The following AGTPBP1 variants were observed in gnomAD, a reference collection of about 807,000 sequenced individuals.
AGTPBP1 encodes the protein ATP/GTP binding carboxypeptidase 1.
Under a neutral mutation model 143.9 loss-of-function variants are expected in AGTPBP1, and 70 were observed. The ratio of observed to expected loss-of-function variants is 0.49; its 90% CI spans 0.40 to 0.59. The LOEUF (loss-of-function observed/expected upper bound fraction) is 0.59. Ranked by LOEUF, AGTPBP1 falls within the 20% of genes least tolerant of loss-of-function variation. AGTPBP1 has a pLI of 0.00. For synonymous variants in AGTPBP1, 463 were observed against 500.2 expected (o/e 0.93, Z 0.99); for missense variants, 1,229 against 1,464.5 (o/e 0.84, Z 2.62).
intron 1 of AGTPBP1, among the ~76,000 whole-genome samples, chr9:85,717,680 T>TC (rs912070800): frequency 5.3e-5 from 8 of 151,906 alleles, no homozygotes; most frequent in African/African-American, 1.9e-4. Context: ...AGTATCCTTT[T>TC]TTTTTTTTTT....
the AGTPBP1 span, among the ~76,000 whole-genome samples, chr9:85,749,885 CT>C: frequency 0.75 from 107,346 of 143,056 alleles, 40,928 homozygotes; most frequent in African/African-American, 0.93. Flanking sequence ...TCCTGTATCC[CT>C]TTTTTTTTTT....
the AGTPBP1 span, among the ~76,000 whole-genome samples, chr9:85,750,353 T>G: frequency 6.6e-6 from 1 of 152,044 alleles, no homozygotes; most frequent in Non-Finnish European, 1.5e-5. Context: ...CATAATAGAG[T>G]CCAAATTCAC....
chr9:85,702,333 A>T (rs1183584093), intron 2 of AGTPBP1, among the ~76,000 whole-genome samples: 1 of 152,198 alleles, frequency 6.6e-6, no homozygotes, highest in Non-Finnish European at 1.5e-5. Flanking sequence ...ATTTGTTTAC[A>T]TCCATTAAAT....
chr9:85,700,133 C>T (rs1836546827), intron 2 of AGTPBP1, among the ~76,000 whole-genome samples: 1 of 152,138 alleles, frequency 6.6e-6, no homozygotes, highest in Non-Finnish European at 1.5e-5. Flanking sequence ...TAAAGCAAAT[C>T]ATCTCTCAGT....
intron 1 of AGTPBP1, among the ~76,000 whole-genome samples, chr9:85,723,300 G>C (rs1838252083): frequency 6.6e-6 from 1 of 152,234 alleles, no homozygotes; most frequent in South Asian, 2.1e-4. Flanking sequence ...TAGAAAGGCA[G>C]TAGGCCTTGC....
chr9:85,793,369 ATC>A, the AGTPBP1 span: 1 of 152,204 alleles, frequency 6.6e-6, no homozygotes, highest in Admixed American at 6.5e-5. Context: ...CTCATTTAGC[ATC>A]TGAGACTTTT....
chr9:85,721,505 T>C (rs967949410), intron 1 of AGTPBP1, among the ~76,000 whole-genome samples: 2 of 150,098 alleles, frequency 1.3e-5, no homozygotes, highest in African/African-American at 2.5e-5. Context: ...TTTTTTTTTT[T>C]TTCTTTCCAT....
At chr9:85,650,837 T>G (rs1025435774) in intron 11 of AGTPBP1, among the ~76,000 whole-genome samples, 1 of 152,230 alleles carries the variant, frequency 6.6e-6, no homozygotes, top group African/African-American at 2.4e-5. Context: ...CTTTTAGTAT[T>G]TGGCACATGT....
At chr9:85,697,892 A>G (rs982343544) in intron 2 of AGTPBP1, among the ~76,000 whole-genome samples, 3 of 152,324 alleles carry the variant, frequency 2.0e-5, no homozygotes, top group Non-Finnish European at 2.9e-5. Context: ...TCTCTTGTAC[A>G]TTCAGTGATC....
intron 2 of AGTPBP1, among the ~76,000 whole-genome samples, chr9:85,704,348 C>T (rs996680884): frequency 4.6e-5 from 7 of 152,064 alleles, no homozygotes; most frequent in Admixed American, 2.6e-4. Flanking sequence ...TACAGATCAG[C>T]GCAGGAGTGT....
the AGTPBP1 span, among the ~76,000 whole-genome samples, chr9:85,747,986 C>G: frequency 6.6e-6 from 1 of 151,652 alleles, no homozygotes; most frequent in Admixed American, 6.6e-5. Context: ...TTTTTTCATC[C>G]TAAAATTATC....
At chr9:85,726,807 C>T (rs956750440) in intron 1 of AGTPBP1, among the ~76,000 whole-genome samples, 2 of 151,984 alleles carry the variant, frequency 1.3e-5, no homozygotes, top group African/African-American at 4.8e-5. Context: ...AAAAAAAAAT[C>T]AGTGAAAAGA....
upstream of AGTPBP1, chr9:85,741,999 C>A: frequency 3.3e-6 from 4 of 1,211,870 alleles, no homozygotes; most frequent in Non-Finnish European, 4.1e-6. Flanking sequence ...GCCCACCGCA[C>A]GCCTTGCCAG....
intron 25 of AGTPBP1, among the ~76,000 whole-genome samples, chr9:85,569,832 A>G (rs1827347644): frequency 2.0e-5 from 3 of 152,238 alleles, no homozygotes; most frequent in Admixed American, 1.3e-4. Flanking sequence ...TTTTTCATAT[A>G]GGATGGATCA....
chr9:85,759,530 A>G, the AGTPBP1 span, among the ~76,000 whole-genome samples: 84 of 152,246 alleles, frequency 5.5e-4, no homozygotes, highest in African/African-American at 1.5e-3. Flanking sequence ...TACTGGGTAC[A>G]TAACGAAATG....
the AGTPBP1 span, among the ~76,000 whole-genome samples, chr9:85,749,942 C>T: frequency 9.6e-4 from 144 of 150,476 alleles, 1 homozygote; most frequent in East Asian, 0.012. Flanking sequence ...AGTGCAGTGG[C>T]GTGATCTCAT....
intron 17 of AGTPBP1, among the ~76,000 whole-genome samples, chr9:85,612,029 C>T (rs1830346487): frequency 6.6e-6 from 1 of 152,118 alleles, no homozygotes; most frequent in Non-Finnish European, 1.5e-5. Context: ...GTCTCTACCC[C>T]CCAGTTCCTG....
chr9:85,693,900 C>T (rs1197118794), intron 2 of AGTPBP1, among the ~76,000 whole-genome samples: 2 of 151,852 alleles, frequency 1.3e-5, no homozygotes, highest in African/African-American at 4.8e-5. Flanking sequence ...ATAAGCAAGC[C>T]GTGCAAATAC....
At chr9:85,742,134 T>G (rs1187542708), upstream of AGTPBP1, 1 of 789,190 alleles carries the variant, frequency 1.3e-6, no homozygotes, top group Non-Finnish European at 1.6e-6. Context: ...GCCCCGCCTC[T>G]CTGCGCGCCT....
Sources: gnomAD v4.1 joint callset for allele counts (sites outside exome capture counted in the v4.1 genomes callset) on GRCh38, gnomAD v4.1.1 for gene constraint, MANE v1.5 for transcripts, NCBI Gene and HGNC (gene_info 2026-07-23, HGNC 2026-07-21) for gene names.